Variants in SMIM41 observed in about 807,000 individuals in gnomAD.
SMIM41 encodes the protein small integral membrane protein 41.
At chr12:52,095,850 C>T (rs758648193) in intron 2 of SMIM41, among the ~76,000 whole-genome samples, 2 of 151,954 alleles carry the variant, frequency 1.3e-5, no homozygotes, top group Non-Finnish European at 2.9e-5. Context: ...ACACCTCCTG[C>T]GATATGGGGG....
At position 52,097,352 on chromosome 12, in the gene SMIM41, C is replaced by CA. The variant is rs1360957142; in HGVS notation, c.*196-10027_*196-10026insA. Among the ~76,000 whole-genome samples, 5 of 151,908 alleles carry CA rather than the reference C, an allele frequency of 3.3e-5. No homozygotes were observed. The East Asian group carries it at 5.8e-4, about 18-fold the overall frequency. Reference sequence around the variant, plus strand: ...CACGATGCGGGGAGAAATATCACCCCCCCCCGGATATTACGAGCCACATTG... The same window carrying CA: ...CACGATGCGGGGAGAAATATCACCCCACCCCCGGATATTACGAGCCACATTG... On this transcript the variant is annotated intron_variant, in intron 2 of 2. Transcript: ENST00000546390.
At chr12:52,095,615 G>A (rs1203847515) in intron 2 of SMIM41, among the ~76,000 whole-genome samples, 7 of 152,014 alleles carry the variant, frequency 4.6e-5, no homozygotes, top group Admixed American at 6.5e-5. Context: ...CACTGGGGGC[G>A]TGTCCACCCC....
rs1939813411 is a variant in SMIM41, at chr12:52,081,117, C to T, written c.*120+936C>T. ...GGATGGCCTGAGGACAAGGTAACTA[C>T]AGGCGAAAGCCACCTGGGACAGAGC... On this transcript the variant is annotated intron_variant, in intron 1 of 2. Coordinates refer to ENST00000546390, the MANE Select transcript of SMIM41 (RefSeq NM_001369216.1). This position sits in a 1 kb window ranked among gnomAD's most constrained non-coding sequence, Gnocchi z 4.1. Among the ~76,000 whole-genome samples the T allele has an allele frequency of 6.6e-6, 1 of 152,164 alleles. No homozygotes were observed. Among genetic ancestry groups the T allele is most frequent in the South Asian group, 2.1e-4 (1 of 4,836 alleles).
intron 2 of SMIM41, among the ~76,000 whole-genome samples, chr12:52,090,706 A>T (rs949668107): frequency 5.9e-5 from 9 of 152,310 alleles, no homozygotes; most frequent in African/African-American, 1.9e-4. Context: ...ACCTGAAATG[A>T]TGGAGGCCTC....
intron 2 of SMIM41, among the ~76,000 whole-genome samples, chr12:52,097,490 A>G (rs1244861816): frequency 2.6e-5 from 4 of 152,052 alleles, no homozygotes; most frequent in Non-Finnish European, 5.9e-5. Context: ...GCGCAGAGTG[A>G]TATCAACCCC....
intron 2 of SMIM41, among the ~76,000 whole-genome samples, chr12:52,088,564 C>T (rs79916235): frequency 0.041 from 6,230 of 152,252 alleles, 419 homozygotes; most frequent in African/African-American, 0.14. Context: ...CAGCAGCTGT[C>T]CCCGATTCCC....
In SMIM41 at chr12:52,107,471, G is replaced by A. The variant is rs1329910244; in HGVS notation, c.*288G>A. 13 of 637,510 alleles carry A rather than the reference G, an allele frequency of 2.0e-5. No individual in the cohort carries two copies. Among genetic ancestry groups the A allele is most frequent in the Admixed American group, 9.2e-5 (5 of 54,080 alleles). 39.5% of individuals were successfully genotyped at this position (637,510 alleles called of 1,614,324 possible). A position where few individuals can be genotyped will look rare whatever the true frequency, so the allele number is the denominator to read the frequency against. On this transcript the variant is annotated 3_prime_UTR_variant, in exon 3 of 3. Transcript: ENST00000546390. ...GTGCTGGGGAACCTGCTCATCATCC[G>A]GCCATGAGCCCTGACTCCCACCTCC...
chr12:52,106,295 T>C (rs1278372276), intron 2 of SMIM41, among the ~76,000 whole-genome samples: 1 of 152,216 alleles, frequency 6.6e-6, no homozygotes, highest in Non-Finnish European at 1.5e-5. Flanking sequence ...CTTCCTTGGT[T>C]CACAAAAATT....
At chr12:52,104,473 G>A (rs1940286746) in intron 2 of SMIM41, among the ~76,000 whole-genome samples, 1 of 152,116 alleles carries the variant, frequency 6.6e-6, no homozygotes, top group Non-Finnish European at 1.5e-5. Context: ...CACGCAGGGA[G>A]GACAGTGGAC....
intron 2 of SMIM41, among the ~76,000 whole-genome samples, chr12:52,097,016 C>T (rs1287461084): frequency 2.6e-5 from 4 of 151,970 alleles, no homozygotes; most frequent in Non-Finnish European, 5.9e-5. Flanking sequence ...GATATTGTCC[C>T]TAATATCCAA....
chr12:52,103,386 C>G (rs1255612637), intron 2 of SMIM41, among the ~76,000 whole-genome samples: 2 of 137,698 alleles, frequency 1.5e-5, no homozygotes, highest in Admixed American at 1.4e-4. Context: ...AAAAACAAAA[C>G]AGACAGGCAC....
At chr12:52,100,414 A>G (rs1380670142) in intron 2 of SMIM41, among the ~76,000 whole-genome samples, 1 of 152,100 alleles carries the variant, frequency 6.6e-6, no homozygotes, top group Non-Finnish European at 1.5e-5. Context: ...AAACAATATC[A>G]TCGGGGTGAA....
At chr12:52,095,625 C>G (rs532428279) in intron 2 of SMIM41, among the ~76,000 whole-genome samples, 1 of 152,106 alleles carries the variant, frequency 6.6e-6, no homozygotes, top group East Asian at 1.9e-4. Context: ...GTGTCCACCC[C>G]ATGCGATATT....
At chr12:52,101,158 C>A (rs1472251484) in intron 2 of SMIM41, among the ~76,000 whole-genome samples, 1 of 152,140 alleles carries the variant, frequency 6.6e-6, no homozygotes, top group Non-Finnish European at 1.5e-5. Flanking sequence ...TGTGGTGGCT[C>A]AGGCCTGTAA....
intron 2 of SMIM41, among the ~76,000 whole-genome samples, chr12:52,085,649 T>C (rs988018164): frequency 1.3e-5 from 2 of 151,004 alleles, no homozygotes; most frequent in Admixed American, 6.6e-5. Context: ...TTTGCTGCTA[T>C]TGGGCCTGTT....
chr12:52,096,745 A>G (rs562843881), intron 2 of SMIM41, among the ~76,000 whole-genome samples: 7 of 151,830 alleles, frequency 4.6e-5, no homozygotes, highest in African/African-American at 7.3e-5. Context: ...AAATTATATT[A>G]TCAGTTATTA....
At chr12:52,090,830 C>T (rs954418182) in intron 2 of SMIM41, among the ~76,000 whole-genome samples, 4 of 152,232 alleles carry the variant, frequency 2.6e-5, no homozygotes, top group South Asian at 2.1e-4. Flanking sequence ...AGATGGCCAG[C>T]GAGTGGGGCA....
Position 52,081,524 on chromosome 12 carries a change from C to T in SMIM41, c.*120+1343C>T, listed in dbSNP as rs369821310. Reference sequence around the variant, plus strand: ...ACCTCAGGGCCCCCTCAGCTCCCCCCACTCCACCCCCTAGGAGGGAGGGTT... The same window carrying T: ...ACCTCAGGGCCCCCTCAGCTCCCCCTACTCCACCCCCTAGGAGGGAGGGTT... On this transcript the variant is annotated intron_variant, in intron 1 of 2. Transcript: ENST00000546390. This position sits in a 1 kb window ranked among gnomAD's most constrained non-coding sequence, Gnocchi z 4.1. Among the ~76,000 whole-genome samples, 2 of 152,046 alleles carry T rather than the reference C, an allele frequency of 1.3e-5. No individual in the cohort carries two copies. Among genetic ancestry groups the T allele is most frequent in the Non-Finnish European group, 2.9e-5 (2 of 67,940 alleles).
At chr12:52,091,243 C>T (rs1164966534) in intron 2 of SMIM41, among the ~76,000 whole-genome samples, 7 of 152,186 alleles carry the variant, frequency 4.6e-5, no homozygotes, top group African/African-American at 1.4e-4. Flanking sequence ...GTTCCCATCA[C>T]GGGTTTCAGG....
Sources: gnomAD v4.1 joint callset for allele counts (sites outside exome capture counted in the v4.1 genomes callset) on GRCh38, gnomAD v4.1.1 for gene constraint, Gnocchi (gnomAD v3.1) non-coding constraint, MANE v1.5 for transcripts, NCBI Gene and HGNC (gene_info 2026-07-23, HGNC 2026-07-21) for gene names.